The following SLC35H1 variants were observed in gnomAD, a reference collection of about 807,000 sequenced individuals.
SLC35H1 encodes the protein solute carrier family 35 member H1.
chr20:46,350,271 C>T, the SLC35H1 span: 1 of 1,272,092 alleles, frequency 7.9e-7, no homozygotes, highest in South Asian at 1.5e-5. Context: ...GGCTTGGCCC[C>T]ACCACCTGGT....
the SLC35H1 span, among the ~76,000 whole-genome samples, chr20:46,356,198 G>C: frequency 1.3e-4 from 20 of 152,214 alleles, no homozygotes; most frequent in Non-Finnish European, 2.8e-4. Flanking sequence ...CAAAACATCA[G>C]AGGGAAGAAG....
the SLC35H1 span, chr20:46,358,760 T>C: frequency 6.5e-7 from 1 of 1,529,548 alleles, no homozygotes; most frequent in Middle Eastern, 1.7e-4. Flanking sequence ...GGTCCCAAGG[T>C]CTGCTGCTGG....
chr20:46,361,124 A>G, the SLC35H1 span, among the ~76,000 whole-genome samples: 1 of 152,232 alleles, frequency 6.6e-6, no homozygotes, highest in South Asian at 2.1e-4. Flanking sequence ...TAGATATCTA[A>G]TATCAGGCAT....
At chr20:46,357,701 C>A in the SLC35H1 span, 1 of 1,614,142 alleles carries the variant, frequency 6.2e-7, no homozygotes, top group Non-Finnish European at 8.5e-7. Flanking sequence ...TGAACCAGCG[C>A]CCTGGACAGG....
At chr20:46,359,684 G>A in the SLC35H1 span, among the ~76,000 whole-genome samples, 6 of 152,198 alleles carry the variant, frequency 3.9e-5, no homozygotes, top group Non-Finnish European at 8.8e-5. Context: ...GGAGCATGCC[G>A]GGTAGACCTG....
At chr20:46,362,312 A>C in the SLC35H1 span, among the ~76,000 whole-genome samples, 3 of 152,244 alleles carry the variant, frequency 2.0e-5, no homozygotes, top group African/African-American at 7.2e-5. Context: ...CAGGAAGGAA[A>C]GTCCATATTC....
chr20:46,355,696 G>A, the SLC35H1 span: 14 of 1,540,758 alleles, frequency 9.1e-6, no homozygotes, highest in Non-Finnish European at 1.1e-5. The surrounding 1 kb of genome is among the most constrained non-coding windows in gnomAD (Gnocchi z 4.8). Flanking sequence ...ACCTGGACTG[G>A]GCTTGTCTCC....
chr20:46,352,182 T>C, the SLC35H1 span: 1 of 1,614,208 alleles, frequency 6.2e-7, no homozygotes, highest in Non-Finnish European at 8.5e-7. Context: ...AGCAGCCCTG[T>C]GTCCTGGAAA....
chr20:46,363,149 T>C, the SLC35H1 span: 1 of 152,258 alleles, frequency 6.6e-6, no homozygotes, highest in Non-Finnish European at 1.5e-5. Flanking sequence ...CGATACCACA[T>C]TCTCCTGGTT....
the SLC35H1 span, chr20:46,348,603 CCTG>C: frequency 6.6e-6 from 1 of 152,250 alleles, no homozygotes; most frequent in Non-Finnish European, 1.5e-5. Flanking sequence ...TCCACCTCCG[CCTG>C]CTGAGTCTGT....
the SLC35H1 span, chr20:46,353,099 C>T: frequency 6.6e-6 from 1 of 152,226 alleles, no homozygotes; most frequent in African/African-American, 2.4e-5. Context: ...TCTATCCCTA[C>T]AAACGTTCAT....
chr20:46,346,575 G>C, the SLC35H1 span: 1 of 152,212 alleles, frequency 6.6e-6, no homozygotes, highest in African/African-American at 2.4e-5. Flanking sequence ...GAGGTCAGGA[G>C]TTCAAGACCG....
the SLC35H1 span, chr20:46,358,398 A>C: frequency 6.2e-7 from 1 of 1,614,080 alleles, no homozygotes; most frequent in Non-Finnish European, 8.5e-7. Flanking sequence ...TTTGTCAGCC[A>C]CTTGTTGTAG....
At chr20:46,360,845 G>A in the SLC35H1 span, among the ~76,000 whole-genome samples, 8 of 152,146 alleles carry the variant, frequency 5.3e-5, no homozygotes, top group South Asian at 2.1e-4. Flanking sequence ...CACCGCGCCC[G>A]GCTGCATTTG....
chr20:46,359,275 G>C, the SLC35H1 span, among the ~76,000 whole-genome samples: 7 of 152,166 alleles, frequency 4.6e-5, no homozygotes, highest in East Asian at 1.2e-3. Flanking sequence ...CCCATCCCCT[G>C]AATCAGTCCC....
chr20:46,356,703 C>T, the SLC35H1 span: 2 of 1,484,830 alleles, frequency 1.3e-6, no homozygotes, highest in Non-Finnish European at 1.9e-6. Context: ...TGGGCTGGTA[C>T]CCTGAGGCAC....
chr20:46,354,894 C>A, the SLC35H1 span: 1 of 1,606,760 alleles, frequency 6.2e-7, no homozygotes, highest in African/African-American at 1.3e-5. Flanking sequence ...TCAAATACAG[C>A]AAAGAGAGGG....
chr20:46,361,733 C>T, the SLC35H1 span, among the ~76,000 whole-genome samples: 2 of 152,224 alleles, frequency 1.3e-5, no homozygotes, highest in African/African-American at 4.8e-5. Context: ...CATATGTCAC[C>T]TGAGGATCAA....
chr20:46,350,173 G>A, the SLC35H1 span: 1 of 409,748 alleles, frequency 2.4e-6, no homozygotes, highest in Non-Finnish European at 4.3e-6. Context: ...CGCAGCTTGG[G>A]CCCAGCTCTG....
Sources: gnomAD v4.1 joint callset for allele counts (sites outside exome capture counted in the v4.1 genomes callset) on GRCh38, gnomAD v4.1.1 for gene constraint, Gnocchi (gnomAD v3.1) non-coding constraint, MANE v1.5 for transcripts, NCBI Gene and HGNC (gene_info 2026-07-23, HGNC 2026-07-21) for gene names.